OTC: variants seen among roughly 807,000 people sequenced by gnomAD.
OTC encodes ornithine transcarbamylase, also known as ornithine transcarbamylase, mitochondrial.
In OTC, 3 loss-of-function variants were observed where a neutral mutation model predicts 30.3. The observed-to-expected ratio is 0.10, with a 90% CI of 0.05 to 0.26. OTC has a LOEUF of 0.26. OTC is among the 10% of genes least tolerant of loss of function. OTC has a pLI of 1.00. For missense variants in OTC, 194 were observed against 260.3 expected (o/e 0.75, Z 1.75); for synonymous variants, 111 against 99.7 (o/e 1.11, Z -0.67).
At chrX:38,407,959 G>C (rs1029811562) in intron 6 of OTC, among the ~76,000 whole-genome samples, 10 of 111,747 alleles carry the variant, frequency 8.9e-5, no homozygotes, top group African/African-American at 2.9e-4. Flanking sequence ...CTCACCCAGA[G>C]TAGGAACTAG....
At chrX:38,332,505 T>C in the OTC span, among the ~76,000 whole-genome samples, 1 of 19,277 alleles carries the variant, frequency 5.2e-5, no homozygotes, top group Non-Finnish European at 9.1e-5. Flanking sequence ...CCCTAGATTT[T>C]ATATATATAT....
chrX:38,392,703 T>C (rs2068434879), intron 4 of OTC, among the ~76,000 whole-genome samples: 1 of 111,717 alleles, frequency 9.0e-6, no homozygotes, highest in Non-Finnish European at 1.9e-5. Context: ...GAAAGCAACC[T>C]AGGAGCTGCT....
intron 9 of OTC, among the ~76,000 whole-genome samples, chrX:38,414,848 ATTTGGAGGTCCC>A (rs1424955901): frequency 9.1e-6 from 1 of 110,462 alleles, no homozygotes; most frequent in African/African-American, 3.3e-5. Context: ...GAGCTAGATG[ATTTGGAGGTCCC>A]TTTGAGTTCA....
At chrX:38,385,666 A>AT (rs1021013293) in intron 4 of OTC, among the ~76,000 whole-genome samples, 9 of 103,695 alleles carry the variant, frequency 8.7e-5, no homozygotes, top group South Asian at 3.9e-4. Context: ...TTTGAACCTG[A>AT]TTTTTTTTTA....
chrX:38,417,178 C>T (rs1046601138), intron 9 of OTC, among the ~76,000 whole-genome samples: 1 of 111,805 alleles, frequency 8.9e-6, no homozygotes, highest in Non-Finnish European at 1.9e-5. Flanking sequence ...CTGTCTGTAA[C>T]GTTCTTTATT....
intron 6 of OTC, among the ~76,000 whole-genome samples, chrX:38,406,365 C>G (rs140764799): frequency 2.7e-3 from 306 of 112,208 alleles, no homozygotes; most frequent in African/African-American, 9.4e-3. Flanking sequence ...GCTCCATAAA[C>G]TATCAATAGT....
chrX:38,414,386 A>G (rs1356459343), intron 9 of OTC, among the ~76,000 whole-genome samples: 1 of 111,959 alleles, frequency 8.9e-6, no homozygotes, highest in Non-Finnish European at 1.9e-5. Context: ...TTTTCCATCC[A>G]TCTAGATCTT....
At chrX:38,420,124 A>G (rs928763415) in intron 9 of OTC, among the ~76,000 whole-genome samples, 1 of 111,476 alleles carries the variant, frequency 9.0e-6, no homozygotes, top group Admixed American at 9.6e-5. Context: ...CCATAAATGT[A>G]TACAATTATA....
chrX:38,367,498 G>C, intron 2 of OTC, 69 bp downstream of exon 2: 1 of 929,156 alleles, frequency 1.1e-6, no homozygotes, highest in South Asian at 2.1e-5. Context: ...CCTTCCCAAA[G>C]AAAGAGGGAA....
chrX:38,411,137 A>G (rs943262976), intron 8 of OTC, among the ~76,000 whole-genome samples: 1 of 111,229 alleles, frequency 9.0e-6, no homozygotes, highest in African/African-American at 3.3e-5. Context: ...GTGATGGAGT[A>G]TGCTTCAAGT....
intron 9 of OTC, among the ~76,000 whole-genome samples, chrX:38,415,710 C>A (rs927732099): frequency 9.1e-6 from 1 of 110,397 alleles, no homozygotes; most frequent in East Asian, 2.9e-4. Context: ...AAAATATTAG[C>A]CTGGCATGGT....
intron 3 of OTC, among the ~76,000 whole-genome samples, chrX:38,372,695 T>C (rs2068328891): frequency 8.9e-6 from 1 of 112,936 alleles, no homozygotes; most frequent in Non-Finnish European, 1.9e-5. Flanking sequence ...GTAGAATCAC[T>C]GAAAGCGAGT....
rs373196047 is a variant in OTC at position 38,408,748 on chromosome X, G to C, written c.670G>C (p.Glu224Gln). The change falls in exon 7 of 10, where the codon GAG becomes CAG. Residue 224 changes from glutamate to glutamine, a missense_variant. Physicochemically the swap from Glu to Gln is conservative, Grantham distance 29. Coordinates refer to ENST00000039007, the MANE Select transcript of OTC (RefSeq NM_000531.6). The part of the protein sequence containing the change: ...HLQAATPKGY[E>Q]PDASVTKLAE... Reference sequence around the variant, plus strand: ...TAAATTCTTCCTCCTTTAGGGTTATGAGCCGGATGCTAGTGTAACCAAGTT... The same window carrying C: ...TAAATTCTTCCTCCTTTAGGGTTATCAGCCGGATGCTAGTGTAACCAAGTT... 8.4e-7 allele frequency: 1 copy of C among 1,193,974 alleles called. No individual in the cohort carries two copies. Among genetic ancestry groups the C allele is most frequent in the Non-Finnish European group, 1.1e-6 (1 of 880,629 alleles).
At chrX:38,339,125 T>G in the OTC span, among the ~76,000 whole-genome samples, 2 of 112,038 alleles carry the variant, frequency 1.8e-5, no homozygotes, top group Admixed American at 1.9e-4. Flanking sequence ...TCATTAGGAG[T>G]CCAGAAGTTG....
the OTC span, among the ~76,000 whole-genome samples, chrX:38,344,902 A>T: frequency 9.0e-6 from 1 of 111,142 alleles, no homozygotes; most frequent in African/African-American, 3.3e-5. Context: ...AAGTAAAAAA[A>T]AAAAAAGAAG....
chrX:38,333,247 AATGTT>A, the OTC span, among the ~76,000 whole-genome samples: 1 of 110,066 alleles, frequency 9.1e-6, no homozygotes, highest in Non-Finnish European at 1.9e-5. Context: ...TATAAACGGA[AATGTT>A]TCAGGCCACA....
intron 3 of OTC, among the ~76,000 whole-genome samples, chrX:38,376,510 G>A (rs533926319): frequency 1.2e-4 from 13 of 111,558 alleles, no homozygotes; most frequent in African/African-American, 4.2e-4. Flanking sequence ...CTGACTAGTC[G>A]GGAAATGGAG....
chrX:38,365,341 C>T (rs1019279222), intron 1 of OTC, among the ~76,000 whole-genome samples: 9 of 112,535 alleles, frequency 8.0e-5, no homozygotes, highest in East Asian at 5.5e-4. Flanking sequence ...GAATGATTAC[C>T]GCAAATAACA....
intron 2 of OTC, among the ~76,000 whole-genome samples, chrX:38,367,633 T>C (rs2068303434): frequency 8.9e-6 from 1 of 112,137 alleles, no homozygotes; most frequent in Non-Finnish European, 1.9e-5. Context: ...TGACAAGTCA[T>C]TGCACTTTTT....
Sources: allele counts gnomAD v4.1 joint callset (sites outside exome capture counted in the v4.1 genomes callset), GRCh38; gene constraint gnomAD v4.1.1; transcripts MANE v1.5; gene names NCBI Gene and HGNC (gene_info 2026-07-23, HGNC 2026-07-21).